CRYBG3: variants seen among roughly 807,000 people sequenced by gnomAD.
The protein encoded by CRYBG3 is crystallin beta-gamma domain containing 3.
CRYBG3 carries 127 observed loss-of-function variants against 244.2 expected under a neutral mutation model. The ratio of observed to expected loss-of-function variants is 0.52; its 90% CI spans 0.45 to 0.60. The LOEUF is 0.60. CRYBG3 is among the 20% of genes least tolerant of loss of function. The pLI, the probability that CRYBG3 is intolerant of heterozygous loss-of-function variation, is 0.00. For missense variants in CRYBG3, 3,325 were observed against 3,442.5 expected (o/e 0.97, Z 0.85); for synonymous variants, 1,132 against 1,195.8 (o/e 0.95, Z 1.10).
intron 15 of CRYBG3, 125 bp downstream of exon 15, chr3:97,900,610 T>C: frequency 4.7e-6 from 3 of 640,614 alleles, no homozygotes; most frequent in Admixed American, 2.8e-5. Context: ...CAGATTACAA[T>C]TGCATTTGGT....
At position 97,877,242 on chromosome 3, in the gene CRYBG3, A is replaced by C. The variant is rs750153522; in HGVS notation, c.6048A>C (p.Ala2016=). 2.5e-6 allele frequency: 4 copies of C among 1,613,764 alleles called. No individual in the cohort carries two copies. The highest frequency in any genetic ancestry group is 2.5e-6 in the Non-Finnish European group (3 of 1,179,664). ...PLQEEDKYAS[A]EARQTQSVLF... ...AAGAGGAGGACAAGTATGCTTCCGC[A>C]GAAGCAAGACAAACACAGTCTGTCT... The change falls in exon 4 of 22, where the codon GCA becomes GCC. Residue 2016 remains alanine, a synonymous_variant. Coordinates refer to ENST00000389622, the MANE Select transcript of CRYBG3 (RefSeq NM_153605.4).
chr3:97,897,044 T>C (rs1242251433), intron 12 of CRYBG3, among the ~76,000 whole-genome samples: 1 of 152,132 alleles, frequency 6.6e-6, no homozygotes, highest in Non-Finnish European at 1.5e-5. Flanking sequence ...GACTAGGGAA[T>C]TTTTATTCCT....
intron 15 of CRYBG3, among the ~76,000 whole-genome samples, chr3:97,910,521 T>C (rs1460125080): frequency 6.6e-6 from 1 of 152,238 alleles, no homozygotes; most frequent in East Asian, 1.9e-4. Context: ...CCAGGTGCTG[T>C]CCGTCACCCC....
intron 1 of CRYBG3, among the ~76,000 whole-genome samples, chr3:97,835,716 T>G (rs1006530097): frequency 6.6e-6 from 1 of 152,074 alleles, no homozygotes; most frequent in Non-Finnish European, 1.5e-5. Context: ...AGGATTTCAG[T>G]TGGGGGGGAG....
At position 97,873,998 on chromosome 3, in the gene CRYBG3, T is replaced by G; in HGVS notation, c.2804T>G (p.Leu935Arg). Residue 935 changes from leucine to arginine, a missense_variant, in exon 4 of 22, where the codon CTT (leucine) becomes CGT (arginine). Coordinates refer to ENST00000389622, the MANE Select transcript of CRYBG3 (RefSeq NM_153605.4). ...GATGCCTTAGGCTCTCCTCCTGCTC[T>G]TCTTAAAAGTAATATATCTTGGATT... Reference protein sequence around the residue: ...EVDALGSPPALLKSNISWILP... With the variant: ...EVDALGSPPARLKSNISWILP... 6.5e-7 allele frequency: 1 copy of G among 1,534,246 alleles called. No homozygotes were observed. Among genetic ancestry groups the G allele is most frequent in the Non-Finnish European group, 8.7e-7 (1 of 1,146,388 alleles).
chr3:97,841,776 A>G (rs2038823155), intron 1 of CRYBG3, among the ~76,000 whole-genome samples: 1 of 152,032 alleles, frequency 6.6e-6, no homozygotes, highest in Admixed American at 6.6e-5. Flanking sequence ...CAAAGGTCAA[A>G]TTTCATAACG....
Position 97,822,052 on chromosome 3 carries a change from C to T in CRYBG3, c.-155C>T, listed in dbSNP as rs530394684. On this transcript the variant is annotated 5_prime_UTR_variant, in exon 1 of 22. Transcript: ENST00000389622. Reference sequence around the variant, plus strand: ...GCGCGAGGAGCGCGTCGCGTCCGCACTTCTCCTGCCCGAGAGAGACTGAGC... The same window carrying T: ...GCGCGAGGAGCGCGTCGCGTCCGCATTTCTCCTGCCCGAGAGAGACTGAGC... The T allele has an allele frequency of 1.1e-5, 6 of 535,572 alleles. No homozygotes were observed. The East Asian group carries it at 1.8e-4, about 16-fold the overall frequency. The allele number at this position is 535,572 out of a possible 1,614,324, so 33.2% of individuals were successfully genotyped here. A position where few individuals can be genotyped will look rare whatever the true frequency, so the allele number is the denominator to read the frequency against.
At chr3:97,895,891 T>C in intron 11 of CRYBG3, 68 bp from the exon 12 acceptor site, 1 of 1,435,858 alleles carries the variant, frequency 7.0e-7, no homozygotes, top group South Asian at 1.2e-5. Flanking sequence ...TTATCTTGAT[T>C]GTCTCTGTTT....
chr3:97,875,642 A>G lies in CRYBG3; in HGVS notation c.4448A>G (p.Asn1483Ser). Residue 1483 changes from asparagine (N) to serine (S), a missense_variant, in exon 4 of 22, where the codon AAT becomes AGT. Coordinates refer to ENST00000389622, the MANE Select transcript of CRYBG3 (RefSeq NM_153605.4). ...AATTTCAAATGGCCTCCACTTGTGA[A>G]TGATGACATCCATGCACCTGGTACA... is the stretch of plus-strand genomic sequence containing the variant. ...VLNFKWPPLV[N>S]DDIHAPGTSK... 8.1e-7 allele frequency: 1 copy of G among 1,235,096 alleles called. No individual in the cohort carries two copies. Among genetic ancestry groups the G allele is most frequent in the Non-Finnish European group, 1.0e-6 (1 of 990,246 alleles). 76.5% of individuals were successfully genotyped at this position (1,235,096 alleles called of 1,614,324 possible).
intron 17 of CRYBG3, among the ~76,000 whole-genome samples, chr3:97,927,715 A>G (rs2040054624): frequency 6.6e-6 from 1 of 152,052 alleles, no homozygotes; most frequent in African/African-American, 2.4e-5. Context: ...ACAAGCAAAA[A>G]ACAAACAACC....
chr3:97,893,009 T>G lies in CRYBG3; in HGVS notation c.7574+16T>G. 2 of 1,587,494 alleles carry G rather than the reference T, an allele frequency of 1.3e-6. No homozygotes were observed. The highest frequency in any genetic ancestry group is 1.7e-6 in the Non-Finnish European group (2 of 1,171,048). ...TTGGTGGAGTGTGAGTATCATATTT[T>G]TAACATTTGCACAAGTAGTCTGTTT... On this transcript the variant is annotated intron_variant, in intron 11 of 21. Transcript: ENST00000389622.
intron 17 of CRYBG3, among the ~76,000 whole-genome samples, chr3:97,920,889 A>G (rs1012111772): frequency 1.3e-5 from 2 of 152,046 alleles, no homozygotes; most frequent in Non-Finnish European, 2.9e-5. Context: ...CTAAGTTTAG[A>G]GCCTCATTCT....
chr3:97,878,129 G>T, intron 4 of CRYBG3, 92 bp downstream of exon 4: 1 of 1,195,710 alleles, frequency 8.4e-7, no homozygotes, highest in Non-Finnish European at 1.2e-6. Flanking sequence ...TCAATGTTTT[G>T]GCCAAGCATG....
chr3:97,829,665 G>C (rs183317919), intron 1 of CRYBG3, among the ~76,000 whole-genome samples: 213 of 152,270 alleles, frequency 1.4e-3, no homozygotes, highest in Non-Finnish European at 2.1e-3. Flanking sequence ...TATTTGATTT[G>C]AAAGCTTCAC....
intron 17 of CRYBG3, among the ~76,000 whole-genome samples, chr3:97,919,995 C>T (rs1459492347): frequency 6.6e-6 from 1 of 152,028 alleles, no homozygotes; most frequent in African/African-American, 2.4e-5. Flanking sequence ...GTCTCAAACT[C>T]CTGGGCTCAA....
intron 21 of CRYBG3, chr3:97,942,786 T>C: frequency 4.4e-6 from 1 of 225,622 alleles, no homozygotes; most frequent in Non-Finnish European, 8.5e-6. Flanking sequence ...CCATGGTCCT[T>C]AAAAACCCTC....
intron 2 of CRYBG3, among the ~76,000 whole-genome samples, chr3:97,847,729 G>A (rs699300): frequency 0.94 from 143,430 of 152,288 alleles, 67,657 homozygotes; most frequent in East Asian, 1. Flanking sequence ...TGCCTTATAT[G>A]AAATCTACCA....
intron 17 of CRYBG3, among the ~76,000 whole-genome samples, chr3:97,931,805 C>CTT (rs1365685481): frequency 2.0e-5 from 3 of 152,000 alleles, no homozygotes; most frequent in African/African-American, 7.2e-5. Flanking sequence ...CCTGGCCATC[C>CTT]TTTACTCCTA....
At position 97,872,912 on chromosome 3, in the gene CRYBG3, G is replaced by T. The variant is rs1336780760; in HGVS notation, c.1718G>T (p.Arg573Met). 1.3e-6 allele frequency: 2 copies of T among 1,529,914 alleles called. No individual in the cohort carries two copies. The highest frequency in any genetic ancestry group is 1.2e-5 in the South Asian group (1 of 82,330). The allele number at this position is 1,529,914 out of a possible 1,614,324, so 94.8% of individuals were successfully genotyped here. A position where few individuals can be genotyped will look rare whatever the true frequency, so the allele number is the denominator to read the frequency against. Residue 573 changes from arginine (R) to methionine (M), a missense_variant, in exon 4 of 22, where the codon AGG (arginine) becomes ATG (methionine). By Grantham distance (91) the Arg-to-Met change is moderately conservative. Around this residue, in one of 4 missense-constraint regions of CRYBG3, gnomAD observed 1,526 missense variants for 1,443.2 expected, o/e 1.06. Coordinates refer to ENST00000389622, the MANE Select transcript of CRYBG3 (RefSeq NM_153605.4). ...ACCAAAGCCAAAAAGCTTGATTTTA[G>T]GTCACATGATAAAATTCCTCATATT... ...FETKAKKLDFRSHDKIPHIRM... is the reference protein window; with the variant it reads ...FETKAKKLDFMSHDKIPHIRM...
Sources: gnomAD v4.1 joint callset for allele counts (sites outside exome capture counted in the v4.1 genomes callset) on GRCh38, gnomAD v4.1.1 for gene constraint, gnomAD v4.1.1 regional missense constraint, MANE v1.5 for transcripts, NCBI Gene and HGNC (gene_info 2026-07-23, HGNC 2026-07-21) for gene names.